PCCA: variants seen among roughly 807,000 people sequenced by gnomAD.
The protein encoded by PCCA is propionyl-CoA carboxylase alpha chain, mitochondrial.
A neutral mutation model predicts 101.3 loss-of-function variants in PCCA; 74 were observed. The observed-to-expected ratio is 0.73, with a 90% CI of 0.61 to 0.89. The LOEUF (loss-of-function observed/expected upper bound fraction) is 0.89, where lower values mean the gene tolerates loss of function less well. Among genes scored for constraint, PCCA ranks in the 40% least tolerant of loss-of-function variants. The pLI is 0.00. For missense variants in PCCA, 891 were observed against 907.0 expected (o/e 0.98, Z 0.23); for synonymous variants, 294 against 313.6 (o/e 0.94, Z 0.66).
intron 4 of PCCA, among the ~76,000 whole-genome samples, chr13:100,115,320 A>G (rs2048703598): frequency 6.6e-6 from 1 of 152,180 alleles, no homozygotes; most frequent in Admixed American, 6.5e-5. Context: ...GAGTACAAGA[A>G]TATAGTTAGA....
chr13:100,304,341 T>G (rs1318117296), intron 14 of PCCA, among the ~76,000 whole-genome samples: 2 of 152,216 alleles, frequency 1.3e-5, no homozygotes, highest in Non-Finnish European at 1.5e-5. Context: ...ATAAAGTGAT[T>G]GGGTGCAGGA....
At chr13:100,118,850 A>G (rs1367763772) in intron 4 of PCCA, among the ~76,000 whole-genome samples, 4 of 151,974 alleles carry the variant, frequency 2.6e-5, no homozygotes, top group Non-Finnish European at 4.4e-5. Context: ...TACCCCAGCC[A>G]GTAATGTTAT....
chr13:100,230,412 G>T (rs1016412419), intron 7 of PCCA, among the ~76,000 whole-genome samples: 1 of 152,078 alleles, frequency 6.6e-6, no homozygotes. Flanking sequence ...GGGTGTGGTG[G>T]TGTTTGCCTG....
chr13:100,379,336 A>G (rs945595732), intron 19 of PCCA, among the ~76,000 whole-genome samples: 1 of 152,088 alleles, frequency 6.6e-6, no homozygotes, highest in African/African-American at 2.4e-5. Flanking sequence ...TGGTGGGCTG[A>G]GTATGTCTGT....
intron 19 of PCCA, among the ~76,000 whole-genome samples, chr13:100,422,288 C>G (rs1335528225): frequency 6.6e-6 from 1 of 151,908 alleles, no homozygotes; most frequent in African/African-American, 2.4e-5. Context: ...CACTGGCCAT[C>G]ATGCCTGGCT....
At chr13:100,307,464 C>T (rs528934297) in intron 15 of PCCA, among the ~76,000 whole-genome samples, 1 of 152,278 alleles carries the variant, frequency 6.6e-6, no homozygotes, top group African/African-American at 2.4e-5. Context: ...TCCTCCCCAA[C>T]TAAATCATGC....
intron 12 of PCCA, among the ~76,000 whole-genome samples, chr13:100,287,205 A>C (rs773391222): frequency 2.0e-5 from 3 of 151,818 alleles, no homozygotes; most frequent in Non-Finnish European, 4.4e-5. Context: ...CTGCTTATTC[A>C]TCTCCTAGCA....
intron 16 of PCCA, 147 bp downstream of exon 16, chr13:100,310,055 A>C: frequency 1.5e-6 from 1 of 675,878 alleles, no homozygotes; most frequent in Non-Finnish European, 2.7e-6. Flanking sequence ...AATCCATCAA[A>C]CCACCATACC....
rs1595185467 is a variant in PCCA at position 100,298,652 on chromosome 13, C to T, written c.1066-2808C>T. ...CTCCCCTCCCTCCCTCCCTCCCTCC[C>T]TCCCTCCCTCCCTCCCTCCCTCCTT... On this transcript the variant is annotated intron_variant, in intron 12 of 23. Transcript: ENST00000376285. Among the ~76,000 whole-genome samples the T allele has an allele frequency of 3.7e-3, 9 of 2,418 alleles. 1 individual carries two copies. The highest frequency in any genetic ancestry group is 8.1e-3 in the African/African-American group (9 of 1,110). The allele number at this position is 2,418 out of a possible 152,430, so 1.6% of individuals were successfully genotyped here.
Position 100,425,714 on chromosome 13 carries a change from A to C in PCCA, c.1828A>C (p.Thr610Pro). Reference sequence around the variant, plus strand: ...CTTATTGTCTGTCAGCGTTGATGGCACTCAGAGGACTGTCCAGGTGAGTGT... The same window carrying C: ...CTTATTGTCTGTCAGCGTTGATGGCCCTCAGAGGACTGTCCAGGTGAGTGT... Reference protein sequence around the residue: ...SPLLSVSVDGTQRTVQCLSRE... With the variant: ...SPLLSVSVDGPQRTVQCLSRE... Residue 610 changes from threonine to proline, a missense_variant, in exon 20 of 24, where the codon ACT becomes CCT. By Grantham distance (38) the Thr-to-Pro change is conservative (BLOSUM62 -1). Transcript: ENST00000376285. 1 of 1,612,244 alleles carries C rather than the reference A, an allele frequency of 6.2e-7. No individual in the cohort carries two copies. Among genetic ancestry groups the C allele is most frequent in the Non-Finnish European group, 8.5e-7 (1 of 1,178,288 alleles).
intron 4 of PCCA, among the ~76,000 whole-genome samples, chr13:100,135,489 T>C (rs770777929): frequency 1.3e-5 from 2 of 152,160 alleles, no homozygotes; most frequent in East Asian, 3.8e-4. Context: ...AGTAGAAGTA[T>C]GATTAATGTT....
At chr13:100,118,125 G>GAAAAAAAAAAAAAAAAAAAAAAAAAA (rs537580846) in intron 4 of PCCA, among the ~76,000 whole-genome samples, 2 of 95,330 alleles carry the variant, frequency 2.1e-5, no homozygotes, top group Non-Finnish European at 4.6e-5. Flanking sequence ...CAAAAAAAAA[G>GAAAAAAAAAAAAAAAAAAAAAAAAAA]AAAAAAAAAA....
intron 20 of PCCA, among the ~76,000 whole-genome samples, chr13:100,430,200 G>A (rs535430248): frequency 1.3e-4 from 20 of 152,134 alleles, no homozygotes; most frequent in African/African-American, 4.8e-4. Flanking sequence ...CCTTGAACCC[G>A]GGTTGTGGTG....
chr13:100,309,121 G>C (rs567011172), intron 15 of PCCA, among the ~76,000 whole-genome samples: 72 of 152,038 alleles, frequency 4.7e-4, no homozygotes, highest in Non-Finnish European at 1.0e-3. Flanking sequence ...AGGGCTGGAC[G>C]CAGTGGCTCA....
At chr13:100,132,877 G>A (rs966097157) in intron 4 of PCCA, among the ~76,000 whole-genome samples, 8 of 152,008 alleles carry the variant, frequency 5.3e-5, no homozygotes, top group African/African-American at 7.3e-5. Flanking sequence ...GGGTTCAAGC[G>A]ATTCTCCTGC....
intron 1 of PCCA, among the ~76,000 whole-genome samples, chr13:100,097,516 T>A (rs2046878239): frequency 6.6e-6 from 1 of 152,090 alleles, no homozygotes; most frequent in Non-Finnish European, 1.5e-5. Context: ...GGTCGGGAGT[T>A]CGAGACCAGC....
chr13:100,157,277 C>T lies in PCCA; in HGVS notation c.415-10C>T, dbSNP rs376120578. On this transcript the variant is annotated splice_polypyrimidine_tract_variant and intron_variant, in intron 5 of 23. Coordinates refer to ENST00000376285, the MANE Select transcript of PCCA (RefSeq NM_000282.4). ...TAAAATTGAAAGTGCTTTTTGCTTT[C>T]ATTTCTAAGGTACATCCAGGTTATG... 2.4e-5 allele frequency: 39 copies of T among 1,601,130 alleles called. No individual in the cohort carries two copies. In the African/African-American group the frequency reaches 2.9e-4, roughly 12 times the overall value.
chr13:100,526,465 G>A (rs117199742), intron 22 of PCCA, among the ~76,000 whole-genome samples: 1,553 of 152,352 alleles, frequency 0.01, 15 homozygotes, highest in Middle Eastern at 0.034. Context: ...AGAGTACATC[G>A]GCTCAGGCGC....
intron 4 of PCCA, among the ~76,000 whole-genome samples, chr13:100,127,744 T>G (rs1271701973): frequency 6.7e-6 from 1 of 149,954 alleles, no homozygotes; most frequent in Non-Finnish European, 1.5e-5. Flanking sequence ...TACAAAAAGT[T>G]AGCCGGGCGT....
Sources: allele counts gnomAD v4.1 joint callset (sites outside exome capture counted in the v4.1 genomes callset), GRCh38; gene constraint gnomAD v4.1.1; transcripts MANE v1.5; gene names NCBI Gene and HGNC (gene_info 2026-07-23, HGNC 2026-07-21).